XPR1: variants seen among roughly 807,000 people sequenced by gnomAD.
XPR1 encodes xenotropic and polytropic retrovirus receptor 1.
Under a neutral mutation model 87.5 loss-of-function variants are expected in XPR1, and 28 were observed. The observed-to-expected ratio is 0.32, with a 90% CI of 0.24 to 0.44. The LOEUF (loss-of-function observed/expected upper bound fraction) is 0.44, where lower values mean the gene tolerates loss of function less well. Among genes scored for constraint, XPR1 ranks in the 20% least tolerant of loss-of-function variants. The pLI is 1.00. For synonymous variants in XPR1, 300 were observed against 306.1 expected, an observed-to-expected ratio of 0.98 and a Z score of 0.21; for missense variants, 559 against 862.3, an observed-to-expected ratio of 0.65 and a Z score of 4.41.
intron 2 of XPR1, among the ~76,000 whole-genome samples, chr1:180,753,472 T>G (rs763562824): frequency 6.6e-6 from 1 of 151,964 alleles, no homozygotes; most frequent in Non-Finnish European, 1.5e-5. Context: ...GAGGATGGCT[T>G]GAGCCCAGGA....
chr1:180,710,772 G>A (rs528326364), intron 2 of XPR1, among the ~76,000 whole-genome samples: 1 of 152,148 alleles, frequency 6.6e-6, no homozygotes, highest in East Asian at 1.9e-4. Context: ...CCCAGAAGGG[G>A]TGGCCGGGCA....
Position 180,770,147 on chromosome 1 carries a change from A to G in XPR1, c.122-17606A>G, listed in dbSNP as rs552817151. 3.3e-5 allele frequency among the ~76,000 whole-genome samples: 5 copies of G among 152,026 alleles called. No homozygotes were observed. In the East Asian group the frequency reaches 9.7e-4, roughly 29 times the overall value. On this transcript the variant is annotated intron_variant, in intron 2 of 14. Transcript: ENST00000367590. ...CTTCAGTGCTCAGCTACCTTCCTGTATTTTGTTTTATGTTTTTGTCTTCTG... is the reference window on the plus strand; with the variant it reads ...CTTCAGTGCTCAGCTACCTTCCTGTGTTTTGTTTTATGTTTTTGTCTTCTG...
intron 6 of XPR1, among the ~76,000 whole-genome samples, chr1:180,810,660 A>C (rs995131892): frequency 6.6e-6 from 1 of 152,014 alleles, no homozygotes; most frequent in African/African-American, 2.4e-5. Flanking sequence ...CATCGTCTCT[A>C]ATTTTATCTG....
chr1:180,822,502 A>G (rs977996997), intron 7 of XPR1, among the ~76,000 whole-genome samples: 7 of 152,230 alleles, frequency 4.6e-5, no homozygotes, highest in Non-Finnish European at 8.8e-5. Flanking sequence ...CTTTATGCAG[A>G]ACAGAAATTT....
chr1:180,636,167 A>G (rs1209649721), intron 1 of XPR1, among the ~76,000 whole-genome samples: 2 of 152,224 alleles, frequency 1.3e-5, no homozygotes, highest in Non-Finnish European at 2.9e-5. Flanking sequence ...ATTTTCATTT[A>G]TAGAACTCTC....
chr1:180,687,671 T>A (rs17301405), intron 2 of XPR1, among the ~76,000 whole-genome samples: 1 of 152,042 alleles, frequency 6.6e-6, no homozygotes, highest in Non-Finnish European at 1.5e-5. Context: ...CACATTCAAA[T>A]TCCTAGTTGT....
At chr1:180,778,483 C>T (rs1648806488) in intron 2 of XPR1, among the ~76,000 whole-genome samples, 1 of 152,142 alleles carries the variant, frequency 6.6e-6, no homozygotes, top group Non-Finnish European at 1.5e-5. Flanking sequence ...AGCCTTGATA[C>T]TGTTGACATT....
chr1:180,755,206 A>G (rs533774164), intron 2 of XPR1, among the ~76,000 whole-genome samples: 1 of 152,190 alleles, frequency 6.6e-6, no homozygotes, highest in Non-Finnish European at 1.5e-5. Flanking sequence ...GAGGGCCTGG[A>G]AATCGACATC....
chr1:180,637,268 C>A (rs775448162), intron 1 of XPR1, among the ~76,000 whole-genome samples: 4 of 152,224 alleles, frequency 2.6e-5, no homozygotes, highest in Admixed American at 6.5e-5. Context: ...GGCAGATAAT[C>A]ATTAATCCAG....
At chr1:180,761,942 TA>T (rs1648050915) in intron 2 of XPR1, among the ~76,000 whole-genome samples, 1 of 151,798 alleles carries the variant, frequency 6.6e-6, no homozygotes, top group Non-Finnish European at 1.5e-5. Flanking sequence ...TATGCAGCCA[TA>T]AAAAATGAAG....
chr1:180,821,202 A>C (rs1420459482), intron 7 of XPR1, among the ~76,000 whole-genome samples: 1 of 152,154 alleles, frequency 6.6e-6, no homozygotes, highest in Non-Finnish European at 1.5e-5. Context: ...TGAAGTCATC[A>C]ATGAGTTTTG....
chr1:180,671,803 G>A (rs1423242031), intron 1 of XPR1, among the ~76,000 whole-genome samples: 4 of 152,074 alleles, frequency 2.6e-5, no homozygotes, highest in Non-Finnish European at 4.4e-5. Context: ...GTGAGTCACC[G>A]CACACAGCCA....
In XPR1 at chr1:180,863,702, C is replaced by T; in HGVS notation, c.1502-6C>T. ...TCTCTTTTCTCTTTCCCTCTTCTTT[C>T]TTCAGAACGAGGTCACTCGGACACT... On this transcript the variant is annotated splice_region_variant and splice_polypyrimidine_tract_variant and intron_variant, in intron 11 of 14. Transcript: ENST00000367590. 1 of 1,552,602 alleles carries T rather than the reference C, an allele frequency of 6.4e-7. No homozygotes were observed. The highest frequency in any genetic ancestry group is 2.2e-5 in the Admixed American group (1 of 46,176).
In XPR1 at chr1:180,738,988, C is replaced by T. The variant is rs967005487; in HGVS notation, c.122-48765C>T. Among the ~76,000 whole-genome samples the T allele has an allele frequency of 1.5e-4, 23 of 151,930 alleles. 1 individual carries two copies. The highest frequency in any genetic ancestry group is 5.3e-4 in the African/African-American group (22 of 41,376). On this transcript the variant is annotated intron_variant, in intron 2 of 14. Coordinates refer to ENST00000367590, the MANE Select transcript of XPR1 (RefSeq NM_004736.4). ...CAAAGATTTTCTCCTTTGTTTTCTT[C>T]TAAAAGTTTTATAGTTTTAAATTTT...
At chr1:180,725,830 C>T (rs955559980) in intron 2 of XPR1, among the ~76,000 whole-genome samples, 5 of 152,204 alleles carry the variant, frequency 3.3e-5, no homozygotes, top group Non-Finnish European at 7.3e-5. Flanking sequence ...AATCCTGGCC[C>T]CACTCCTTAA....
chr1:180,698,849 T>C (rs1397669952), intron 2 of XPR1, among the ~76,000 whole-genome samples: 1 of 152,192 alleles, frequency 6.6e-6, no homozygotes, highest in African/African-American at 2.4e-5. Context: ...TCTTCTGACC[T>C]GTAAGGTTTG....
intron 1 of XPR1, among the ~76,000 whole-genome samples, chr1:180,636,356 A>C (rs1654757050): frequency 6.6e-6 from 1 of 152,246 alleles, no homozygotes; most frequent in Admixed American, 6.5e-5. Flanking sequence ...AGTGTGTTTA[A>C]GATAACACTT....
At chr1:180,754,302 A>T (rs180973064) in intron 2 of XPR1, among the ~76,000 whole-genome samples, 1 of 152,232 alleles carries the variant, frequency 6.6e-6, no homozygotes, top group East Asian at 1.9e-4. Flanking sequence ...AGAACTCATT[A>T]TACTTTCCCC....
intron 1 of XPR1, among the ~76,000 whole-genome samples, chr1:180,647,902 CAAAAAAAA>C (rs1009441967): frequency 1.8e-5 from 1 of 55,952 alleles, no homozygotes; most frequent in African/African-American, 5.4e-5. Context: ...CTCTTATCTG[CAAAAAAAA>C]AAAAAAAAAA....
Sources: gnomAD v4.1 joint callset for allele counts (sites outside exome capture counted in the v4.1 genomes callset) on GRCh38, gnomAD v4.1.1 for gene constraint, MANE v1.5 for transcripts, NCBI Gene and HGNC (gene_info 2026-07-23, HGNC 2026-07-21) for gene names.